Variants in ERV3-1 observed in about 807,000 individuals in gnomAD.
The protein encoded by ERV3-1 is endogenous retrovirus group 3 member 1 Env polyprotein.
A neutral mutation model predicts 24.6 loss-of-function variants in ERV3-1; 36 were observed. That is an observed-to-expected ratio of 1.47 (90% CI 1.12 to 1.94). ERV3-1 has a LOEUF of 1.94. Ranked by LOEUF, ERV3-1 falls within the 30% of genes most tolerant of loss-of-function variation. The pLI, the probability that ERV3-1 is intolerant of heterozygous loss-of-function variation, is 0.00. For missense variants in ERV3-1, 578 were observed against 330.9 expected, an observed-to-expected ratio of 1.75 and a Z score of -5.79; for synonymous variants, 211 against 122.6, an observed-to-expected ratio of 1.72 and a Z score of -4.76.
chr7:64,998,020 T>G (rs1786441679), intron 1 of ERV3-1, among the ~76,000 whole-genome samples: 1 of 152,128 alleles, frequency 6.6e-6, no homozygotes, highest in Admixed American at 6.5e-5. Flanking sequence ...CATCCTGACT[T>G]TCCTTCTTGA....
At chr7:65,003,661 C>A (rs1249818673) in intron 1 of ERV3-1, 1 of 152,090 alleles carries the variant, frequency 6.6e-6, no homozygotes, top group East Asian at 1.9e-4. Flanking sequence ...GGAAATTTTA[C>A]GGTACTTACA....
intron 1 of ERV3-1, among the ~76,000 whole-genome samples, chr7:65,001,727 C>G (rs977878566): frequency 6.6e-6 from 1 of 152,172 alleles, no homozygotes. Context: ...CAGGCCAGGC[C>G]TCTGAGATGT....
In ERV3-1 at chr7:64,992,817, G is replaced by A; in HGVS notation, c.210C>T (p.Val70=). The change falls in exon 2 of 2, where the codon GTC becomes GTT. Residue 70 remains valine (V), a synonymous_variant. Transcript: ENST00000394323. Reference sequence around the variant, plus strand: ...AAGGCTGGCCCCTTCCTGGGTCACAGACTGAGTAGGTTGTCTGGTTGTGAG... The same window carrying A: ...AAGGCTGGCCCCTTCCTGGGTCACAAACTGAGTAGGTTGTCTGGTTGTGAG... The part of the protein sequence containing the change: ...TCTHNQTTYS[V]CDPGRGQPYV... The A allele has an allele frequency of 1.3e-6, 1 of 766,428 alleles. No individual in the cohort carries two copies. 47.5% of individuals were successfully genotyped at this position (766,428 alleles called of 1,614,324 possible).
At chr7:64,995,964 CCT>C (rs1173519563) in intron 1 of ERV3-1, among the ~76,000 whole-genome samples, 3 of 152,198 alleles carry the variant, frequency 2.0e-5, no homozygotes, top group Non-Finnish European at 2.9e-5. Context: ...GAGCTGTCCC[CCT>C]GTGCCTGTGA....
In ERV3-1 at chr7:64,991,587, G is replaced by C; in HGVS notation, c.1440C>G (p.Asp480Glu). The C allele has an allele frequency of 1.4e-6, 1 of 704,074 alleles. No homozygotes were observed. The highest frequency in any genetic ancestry group is 2.6e-6 in the Non-Finnish European group (1 of 384,996). The allele number at this position is 704,074 out of a possible 1,614,324, so 43.6% of individuals were successfully genotyped here. A position where few individuals can be genotyped will look rare whatever the true frequency, so the allele number is the denominator to read the frequency against. Reference sequence around the variant, plus strand: ...TTATTCTTTCAGGAGGCCATTCATTGTCCTTCCAATCTCCTATAGTTATGC... The same window carrying C: ...TTATTCTTTCAGGAGGCCATTCATTCTCCTTCCAATCTCCTATAGTTATGC... ...KRGITIGDWK[D>E]NEWPPERIIQ... is the part of the protein sequence containing the mutation. The change falls in exon 2 of 2, where the codon GAC becomes GAG. Residue 480 changes from aspartate to glutamate, a missense_variant. Physicochemically the swap from Asp to Glu is conservative, Grantham distance 45. Coordinates refer to ENST00000394323, the MANE Select transcript of ERV3-1 (RefSeq NM_001007253.4).
chr7:64,998,057 C>T (rs181606901), intron 1 of ERV3-1, among the ~76,000 whole-genome samples: 1 of 152,240 alleles, frequency 6.6e-6, no homozygotes, highest in African/African-American at 2.4e-5. Context: ...CTCAGATTTC[C>T]CCCTTTGAGG....
rs774509907 is a variant in ERV3-1 at position 64,992,633 on chromosome 7, G to C, written c.394C>G (p.Leu132Val). Residue 132 changes from leucine (L) to valine (V), a missense_variant, in exon 2 of 2, where the codon CTC (leucine) becomes GTC (valine). Coordinates refer to ENST00000394323, the MANE Select transcript of ERV3-1 (RefSeq NM_001007253.4). The stretch of plus-strand genomic sequence containing the variant: ...ATGGAACTGAAGATTACGGGAAAGA[G>C]TGAGCCCATGGATACTATCTGGCAA... ...DVCQIVSMGS[L>V]FPVIFSSMEY... 1 of 766,396 alleles carries C rather than the reference G, an allele frequency of 1.3e-6. No individual in the cohort carries two copies. Among genetic ancestry groups the C allele is most frequent in the South Asian group, 1.3e-5 (1 of 74,624 alleles). 47.5% of individuals were successfully genotyped at this position (766,396 alleles called of 1,614,324 possible). A position where few individuals can be genotyped will look rare whatever the true frequency, so the allele number is the denominator to read the frequency against.
chr7:64,992,313 A>C lies in ERV3-1; in HGVS notation c.714T>G (p.Tyr238Ter). The change falls in exon 2 of 2, where the codon TAT becomes TAG. Residue 238 changes from tyrosine (Y) to a stop codon, truncating the protein, a stop_gained. Coordinates refer to ENST00000394323, the MANE Select transcript of ERV3-1 (RefSeq NM_001007253.4). LOFTEE classifies it high-confidence loss of function. ...EIGPGAYVYL[Y>*]IIKKTRTRST... Reference sequence around the variant, plus strand: ...AGCGGGTCCGAGTTTTCTTTATGATATATAGATAGACATAGGCTCCTGGGC... The same window carrying C: ...AGCGGGTCCGAGTTTTCTTTATGATCTATAGATAGACATAGGCTCCTGGGC... 1.3e-6 allele frequency: 1 copy of C among 766,350 alleles called. No individual in the cohort carries two copies. The highest frequency in any genetic ancestry group is 2.4e-5 in the East Asian group (1 of 41,242). 47.5% of individuals were successfully genotyped at this position (766,350 alleles called of 1,614,324 possible).
rs1429682541 is a variant in ERV3-1, at chr7:64,991,177, GA to G, written c.*34del. 2 of 698,138 alleles carry G rather than the reference GA, an allele frequency of 2.9e-6. No individual in the cohort carries two copies. The highest frequency in any genetic ancestry group is 5.2e-6 in the Non-Finnish European group (2 of 384,344). The allele number at this position is 698,138 out of a possible 1,614,324, so 43.2% of individuals were successfully genotyped here. A position where few individuals can be genotyped will look rare whatever the true frequency, so the allele number is the denominator to read the frequency against. ...TACTAAGGTTTTAAATCCTCCAAGG[GA>G]TGAGAACCAACCTCTGAAAAGGGAA... On this transcript the variant is annotated 3_prime_UTR_variant, in exon 2 of 2. Transcript: ENST00000394323.
rs1275659285 is a variant in ERV3-1, at chr7:65,006,604, C to G, written c.-452G>C. 54 of 1,566,062 alleles carry G rather than the reference C, an allele frequency of 3.4e-5. No individual in the cohort carries two copies. Among genetic ancestry groups the G allele is most frequent in the Non-Finnish European group, 4.7e-5 (54 of 1,138,282 alleles). On this transcript the variant is annotated 5_prime_UTR_variant, in exon 1 of 2. Transcript: ENST00000394323. ...TGGATCTCCCAATACCTGCAGGTAA[C>G]GAGGCCACAGAAGCTGGGCCTCTAG...
chr7:65,002,405 C>T (rs374826365), intron 1 of ERV3-1, among the ~76,000 whole-genome samples: 50 of 152,258 alleles, frequency 3.3e-4, no homozygotes, highest in East Asian at 3.1e-3. Flanking sequence ...GTCACTGAAA[C>T]CTCTGCCTCC....
chr7:65,000,920 T>G (rs1228099999), intron 1 of ERV3-1, among the ~76,000 whole-genome samples: 1 of 152,220 alleles, frequency 6.6e-6, no homozygotes, highest in Admixed American at 6.5e-5. Flanking sequence ...ACCATTATCC[T>G]TAGAAAACTA....
At position 64,992,419 on chromosome 7, in the gene ERV3-1, G is replaced by T; in HGVS notation, c.608C>A (p.Thr203Asn). The change falls in exon 2 of 2, where the codon ACC (threonine) becomes AAC (asparagine). Residue 203 changes from threonine (T) to asparagine (N), a missense_variant. Physicochemically the swap from Thr to Asn is moderately conservative, Grantham distance 65. Transcript: ENST00000394323. ...KTSTCNSVNL[T>N]ILEPDQPIWT... is the part of the protein sequence containing the mutation. ...TATGGGCTGATCTGGCTCTAAGATG[G>T]TAAGATTTACAGAATTGCAAGTGCT... is the stretch of plus-strand genomic sequence containing the variant. 1 of 766,384 alleles carries T rather than the reference G, an allele frequency of 1.3e-6. No homozygotes were observed. Among genetic ancestry groups the T allele is most frequent in the Non-Finnish European group, 2.4e-6 (1 of 417,906 alleles). 47.5% of individuals were successfully genotyped at this position (766,384 alleles called of 1,614,324 possible).
rs1403187468 is a variant in ERV3-1 at position 64,990,575 on chromosome 7, A to C, written c.*637T>G. The C allele has an allele frequency of 1.3e-5, 2 of 152,414 alleles. No individual in the cohort carries two copies. The highest frequency in any genetic ancestry group is 6.5e-5 in the Admixed American group (1 of 15,300). The allele number at this position is 152,414 out of a possible 1,614,324, so 9.4% of individuals were successfully genotyped here. On this transcript the variant is annotated 3_prime_UTR_variant, in exon 2 of 2. Coordinates refer to ENST00000394323, the MANE Select transcript of ERV3-1 (RefSeq NM_001007253.4). ...TGACAGGTTTTACAACAGGATTTGC[A>C]ACATGAGCCTACCTTACTTAAACAT...
rs1476092952 is a variant in ERV3-1, at chr7:64,992,807, C to G, written c.220G>C (p.Gly74Arg). The G allele has an allele frequency of 1.3e-6, 1 of 766,440 alleles. No individual in the cohort carries two copies. Among genetic ancestry groups the G allele is most frequent in the South Asian group, 1.3e-5 (1 of 74,618 alleles). 47.5% of individuals were successfully genotyped at this position (766,440 alleles called of 1,614,324 possible). A position where few individuals can be genotyped will look rare whatever the true frequency, so the allele number is the denominator to read the frequency against. Reference protein sequence around the residue: ...NQTTYSVCDPGRGQPYVCYDP... With the variant: ...NQTTYSVCDPRRGQPYVCYDP... ...TAACACACATAAGGCTGGCCCCTTC[C>G]TGGGTCACAGACTGAGTAGGTTGTC... The change falls in exon 2 of 2, where the codon GGA (glycine) becomes CGA (arginine). Residue 74 changes from glycine to arginine, a missense_variant. By Grantham distance (125) the Gly-to-Arg change is moderately radical. Coordinates refer to ENST00000394323, the MANE Select transcript of ERV3-1 (RefSeq NM_001007253.4).
chr7:65,001,691 A>T (rs1278342496), intron 1 of ERV3-1, among the ~76,000 whole-genome samples: 1 of 152,206 alleles, frequency 6.6e-6, no homozygotes, highest in Non-Finnish European at 1.5e-5. Context: ...AGAGTCTCTC[A>T]TTCCCAGACA....
intron 1 of ERV3-1, 71 bp downstream of exon 1, chr7:65,006,470 C>T (rs1786653696): frequency 6.4e-6 from 10 of 1,552,916 alleles, no homozygotes; most frequent in Middle Eastern, 1.7e-4. Flanking sequence ...CAGAGTCCCG[C>T]CACAGCCACT....
At chr7:64,994,373 T>G (rs1304806732) in intron 1 of ERV3-1, among the ~76,000 whole-genome samples, 1 of 152,118 alleles carries the variant, frequency 6.6e-6, no homozygotes, top group Non-Finnish European at 1.5e-5. Flanking sequence ...CATCAGAAAA[T>G]TTCCACCATC....
rs1389971139 is a variant in ERV3-1, at chr7:65,006,668, C to G, written c.-516G>C. ...AGAGCAGTGAAGACTACACCAGAAG[C>G]TCCGGCTGCCGCCAGAGACAAAGGC... On this transcript the variant is annotated 5_prime_UTR_variant, in exon 1 of 2. Coordinates refer to ENST00000394323, the MANE Select transcript of ERV3-1 (RefSeq NM_001007253.4). 2.0e-6 allele frequency: 3 copies of G among 1,493,996 alleles called. No individual in the cohort carries two copies. The highest frequency in any genetic ancestry group is 3.4e-5 in the Admixed American group (2 of 58,182). 92.5% of individuals were successfully genotyped at this position (1,493,996 alleles called of 1,614,324 possible).
Sources: allele counts gnomAD v4.1 joint callset (sites outside exome capture counted in the v4.1 genomes callset), GRCh38; gene constraint gnomAD v4.1.1; transcripts MANE v1.5; gene names NCBI Gene and HGNC (gene_info 2026-07-23, HGNC 2026-07-21).